The following PCGF6 variants were observed in gnomAD, a reference collection of about 807,000 sequenced individuals.
PCGF6 encodes polycomb group RING finger protein 6.
PCGF6 carries 24 observed loss-of-function variants against 45.5 expected under a neutral mutation model. That is an observed-to-expected ratio of 0.53 (90% CI 0.38 to 0.74). The LOEUF is 0.74. PCGF6 is among the 30% of genes least tolerant of loss of function. The pLI, the probability that PCGF6 is intolerant of heterozygous loss-of-function variation, is 0.00. For missense variants in PCGF6, 356 were observed against 443.2 expected, an observed-to-expected ratio of 0.80 and a Z score of 1.77; for synonymous variants, 152 against 162.1, an observed-to-expected ratio of 0.94 and a Z score of 0.47.
chr10:103,304,373 C>G (rs949412765), intron 9 of PCGF6, among the ~76,000 whole-genome samples: 1 of 152,184 alleles, frequency 6.6e-6, no homozygotes, highest in African/African-American at 2.4e-5. Flanking sequence ...CGGAATCTTG[C>G]TCTGTTGCCC....
intron 8 of PCGF6, among the ~76,000 whole-genome samples, chr10:103,325,540 G>A (rs1022268893): frequency 6.6e-5 from 10 of 152,146 alleles, no homozygotes; most frequent in East Asian, 5.8e-4. Context: ...GAGCCACTGC[G>A]CCTGGCCGAG....
intron 5 of PCGF6, among the ~76,000 whole-genome samples, chr10:103,345,599 G>A (rs2093296121): frequency 6.6e-6 from 1 of 152,032 alleles, no homozygotes; most frequent in Non-Finnish European, 1.5e-5. Context: ...AGGCCAAGGT[G>A]GGTGGATCAC....
intron 6 of PCGF6, among the ~76,000 whole-genome samples, chr10:103,343,208 G>A (rs11191660): frequency 0.27 from 40,723 of 151,792 alleles, 6,552 homozygotes; most frequent in South Asian, 0.5. Context: ...GATTATAGGC[G>A]TGAGCCACCG....
intron 9 of PCGF6, among the ~76,000 whole-genome samples, chr10:103,312,160 G>A (rs1324425339): frequency 1.3e-5 from 2 of 149,868 alleles, no homozygotes; most frequent in Non-Finnish European, 3.0e-5. Context: ...TTGGGAGGCT[G>A]ATGCAGGCAG....
At chr10:103,318,464 T>C (rs914649658) in intron 8 of PCGF6, among the ~76,000 whole-genome samples, 137 of 129,124 alleles carry the variant, frequency 1.1e-3, no homozygotes, top group African/African-American at 3.7e-3. Context: ...AAGAAAAAAG[T>C]GCGGGTGCGG....
chr10:103,314,957 A>T, intron 8 of PCGF6, among the ~76,000 whole-genome samples: 2 of 145,840 alleles, frequency 1.4e-5, no homozygotes, highest in African/African-American at 5.1e-5. Context: ...TCTGTCATAA[A>T]AAAAAAAAAA....
chr10:103,350,375 G>A (rs1210873161), intron 1 of PCGF6, among the ~76,000 whole-genome samples: 3 of 151,982 alleles, frequency 2.0e-5, no homozygotes, highest in Non-Finnish European at 4.4e-5. Context: ...GGAGTTGGAG[G>A]CTGCAGTGAG....
chr10:103,339,694 G>A (rs1387013825), intron 6 of PCGF6, among the ~76,000 whole-genome samples: 1 of 151,264 alleles, frequency 6.6e-6, no homozygotes, highest in East Asian at 2.0e-4. Context: ...GGAGGCTGAG[G>A]TGGCAGAATT....
At chr10:103,314,377 AATTTT>A (rs2093167495) in intron 8 of PCGF6, 105 bp from the exon 9 acceptor site, 2 of 725,350 alleles carry the variant, frequency 2.8e-6, no homozygotes, top group Admixed American at 2.7e-5. Context: ...TAGATTTTGT[AATTTT>A]ATTTTAGACT....
At chr10:103,340,439 A>G (rs1189374961) in intron 6 of PCGF6, among the ~76,000 whole-genome samples, 1 of 151,982 alleles carries the variant, frequency 6.6e-6, no homozygotes, top group Admixed American at 6.6e-5. Context: ...GCTATGATTA[A>G]TTATTGATTT....
chr10:103,318,364 A>C (rs2093183829), intron 8 of PCGF6, among the ~76,000 whole-genome samples: 1 of 148,656 alleles, frequency 6.7e-6, no homozygotes. Context: ...GATCACTCAA[A>C]CCTGGGAGTC....
At position 103,347,167 on chromosome 10, in the gene PCGF6, T is replaced by C. The variant is rs2093302693; in HGVS notation, c.673+71A>G. 4.0e-6 allele frequency: 5 copies of C among 1,246,450 alleles called. No homozygotes were observed. The Admixed American group carries it at 1.0e-4, about 25-fold the overall frequency. 77.2% of individuals were successfully genotyped at this position (1,246,450 alleles called of 1,614,324 possible). On this transcript the variant is annotated intron_variant, in intron 5 of 9. Transcript: ENST00000369847. ...TAATAAGCTACCCCCAAAAGGAACT[T>C]CAAAGGGCATATATTTTATTGTTAG...
chr10:103,337,052 A>C (rs1420669487), intron 6 of PCGF6, among the ~76,000 whole-genome samples: 1 of 152,134 alleles, frequency 6.6e-6, no homozygotes, highest in Non-Finnish European at 1.5e-5. Context: ...CTTTATTTCC[A>C]AACAAAATAT....
intron 9 of PCGF6, among the ~76,000 whole-genome samples, chr10:103,305,501 C>T (rs940048271): frequency 3.3e-5 from 5 of 151,804 alleles, no homozygotes. Context: ...GAACTCCTGA[C>T]CTCAGGTGAT....
At chr10:103,335,043 A>G (rs1169427586) in intron 6 of PCGF6, among the ~76,000 whole-genome samples, 1 of 151,996 alleles carries the variant, frequency 6.6e-6, no homozygotes, top group East Asian at 1.9e-4. Context: ...TCATCTCCAA[A>G]GTATTCTTTT....
chr10:103,336,981 A>G (rs888059252), intron 6 of PCGF6, among the ~76,000 whole-genome samples: 1 of 151,964 alleles, frequency 6.6e-6, no homozygotes, highest in African/African-American at 2.4e-5. Flanking sequence ...AATCAGACCA[A>G]TTTTTCTTTT....
intron 7 of PCGF6, among the ~76,000 whole-genome samples, chr10:103,328,084 G>A (rs2093226039): frequency 6.6e-6 from 1 of 152,130 alleles, no homozygotes; most frequent in African/African-American, 2.4e-5. Context: ...AGATGACAGA[G>A]TTTGAAAGTA....
At chr10:103,326,690 C>A in intron 7 of PCGF6, 58 bp from the exon 8 acceptor site, 3 of 1,238,204 alleles carry the variant, frequency 2.4e-6, no homozygotes, top group South Asian at 1.4e-5. Context: ...ACATGCATGA[C>A]GTATGTGTAT....
chr10:103,335,462 A>G (rs1033344232), intron 6 of PCGF6, among the ~76,000 whole-genome samples: 5 of 151,884 alleles, frequency 3.3e-5, no homozygotes, highest in South Asian at 2.1e-4. Flanking sequence ...CCCGGGTTCA[A>G]GCGATTCTCT....
Sources: allele counts gnomAD v4.1 joint callset (sites outside exome capture counted in the v4.1 genomes callset), GRCh38; gene constraint gnomAD v4.1.1; transcripts MANE v1.5; gene names NCBI Gene and HGNC (gene_info 2026-07-23, HGNC 2026-07-21).